Variants in CDC42BPA observed in about 807,000 individuals in gnomAD.
CDC42BPA encodes the protein serine/threonine-protein kinase MRCK alpha.
Under a neutral mutation model 223.5 loss-of-function variants are expected in CDC42BPA, and 80 were observed. The ratio of observed to expected loss-of-function variants is 0.36; its 90% CI spans 0.30 to 0.43. CDC42BPA has a LOEUF of 0.43. Among genes scored for constraint, CDC42BPA ranks in the 20% least tolerant of loss-of-function variants. The pLI is 1.00. For missense variants in CDC42BPA, 1,743 were observed against 2,099.9 expected, an observed-to-expected ratio of 0.83 and a Z score of 3.32; for synonymous variants, 694 against 718.6, an observed-to-expected ratio of 0.97 and a Z score of 0.55.
At position 227,199,640 on chromosome 1, in the gene CDC42BPA, G is replaced by A; in HGVS notation, c.367C>T (p.Arg123Cys). Residue 123 changes from arginine (R) to cysteine (C), a missense_variant, in exon 4 of 37, where the codon CGT (arginine) becomes TGT (cysteine). This residue lies in a region of CDC42BPA where 321 missense variants were observed against 488.7 expected (regional missense o/e 0.66). Coordinates refer to ENST00000366766, the MANE Select transcript of CDC42BPA (RefSeq NM_001394014.1). The part of the protein sequence containing the change: ...MLKRAETACF[R>C]EERDVLVNGD... ...TTCACTAATACATCCCTTTCTTCACGAAAACATGCTGTCTGAAACACAAAA... is the reference window on the plus strand; with the variant it reads ...TTCACTAATACATCCCTTTCTTCACAAAAACATGCTGTCTGAAACACAAAA... 1 of 1,599,600 alleles carries A rather than the reference G, an allele frequency of 6.3e-7. No homozygotes were observed. Among genetic ancestry groups the A allele is most frequent in the Non-Finnish European group, 8.6e-7 (1 of 1,169,176 alleles).
chr1:227,251,917 T>C (rs1157134691), intron 2 of CDC42BPA, among the ~76,000 whole-genome samples: 1 of 152,106 alleles, frequency 6.6e-6, no homozygotes, highest in Non-Finnish European at 1.5e-5. Context: ...TCTAAATGTT[T>C]AGAAATTTTT....
intron 15 of CDC42BPA, among the ~76,000 whole-genome samples, chr1:227,092,429 A>G (rs1683248943): frequency 6.6e-6 from 1 of 152,234 alleles, no homozygotes; most frequent in Non-Finnish European, 1.5e-5. Context: ...CAGAGAACGT[A>G]CATCAAGGTT....
At chr1:227,265,936 A>G (rs905881855) in intron 1 of CDC42BPA, among the ~76,000 whole-genome samples, 4 of 152,218 alleles carry the variant, frequency 2.6e-5, no homozygotes, top group African/African-American at 9.6e-5. Context: ...AAACAGAGAA[A>G]GAAAAAAACT....
At chr1:227,268,122 G>C (rs1329457173) in intron 1 of CDC42BPA, among the ~76,000 whole-genome samples, 2 of 152,168 alleles carry the variant, frequency 1.3e-5, no homozygotes, top group African/African-American at 4.8e-5. Flanking sequence ...TGTGGTATCT[G>C]ATTGAAGTTA....
intron 34 of CDC42BPA, among the ~76,000 whole-genome samples, chr1:227,014,604 C>T (rs1014439611): frequency 1.1e-4 from 16 of 151,802 alleles, no homozygotes; most frequent in South Asian, 2.1e-4. Flanking sequence ...GACTGCACAC[C>T]GAATTATATT....
At chr1:227,203,426 T>C (rs555447596) in intron 3 of CDC42BPA, among the ~76,000 whole-genome samples, 2 of 152,228 alleles carry the variant, frequency 1.3e-5, no homozygotes, top group Non-Finnish European at 2.9e-5. Flanking sequence ...GAAGTCCCTG[T>C]TGAGAAGCCC....
chr1:227,294,859 C>CAAAAAA lies in CDC42BPA; in HGVS notation c.178+22140_178+22145dup, dbSNP rs397983087. Among the ~76,000 whole-genome samples the CAAAAAA allele has an allele frequency of 4.2e-3, 54 of 12,814 alleles. 14 individuals are homozygous for CAAAAAA. The highest frequency in any genetic ancestry group is 5.2e-3 in the Non-Finnish European group (44 of 8,408). 8.4% of individuals were successfully genotyped at this position (12,814 alleles called of 152,430 possible). A position where few individuals can be genotyped will look rare whatever the true frequency, so the allele number is the denominator to read the frequency against. On this transcript the variant is annotated intron_variant, in intron 1 of 36. Coordinates refer to ENST00000366766, the MANE Select transcript of CDC42BPA (RefSeq NM_001394014.1). The stretch of plus-strand genomic sequence containing the variant: ...TGGGCGACAGAGCGAGACTCCGTCT[C>CAAAAAA]AAAAAAAAAAAAAAAAAAAAAAAAA...
intron 7 of CDC42BPA, among the ~76,000 whole-genome samples, chr1:227,145,953 C>A (rs547597154): frequency 6.6e-6 from 1 of 151,960 alleles, no homozygotes; most frequent in Non-Finnish European, 1.5e-5. Flanking sequence ...ATCATGCATG[C>A]GCTATAGAAA....
intron 5 of CDC42BPA, among the ~76,000 whole-genome samples, chr1:227,190,931 G>A (rs374414815): frequency 3.9e-5 from 6 of 152,140 alleles, no homozygotes; most frequent in African/African-American, 1.2e-4. Flanking sequence ...TGTTATAACA[G>A]AGAAACTAGA....
At chr1:227,062,536 G>A (rs7538237) in intron 21 of CDC42BPA, among the ~76,000 whole-genome samples, 21,850 of 152,044 alleles carry the variant, frequency 0.14, 1,990 homozygotes, top group South Asian at 0.36. Context: ...TATGCTTAAG[G>A]GCAGGAAATA....
chr1:227,041,608 G>T (rs754151779), intron 23 of CDC42BPA, among the ~76,000 whole-genome samples: 2 of 152,034 alleles, frequency 1.3e-5, no homozygotes, highest in East Asian at 1.9e-4. Context: ...CACTACAAAA[G>T]AAATTAAAAA....
At chr1:227,085,077 C>G (rs1258765287) in intron 16 of CDC42BPA, among the ~76,000 whole-genome samples, 2 of 152,056 alleles carry the variant, frequency 1.3e-5, no homozygotes, top group Non-Finnish European at 2.9e-5. Context: ...AATATACTCT[C>G]CTGGGTCTCC....
At chr1:227,046,939 T>G (rs565947981) in intron 23 of CDC42BPA, among the ~76,000 whole-genome samples, 1 of 152,212 alleles carries the variant, frequency 6.6e-6, no homozygotes, top group Non-Finnish European at 1.5e-5. Context: ...AATCTGATGA[T>G]AATCTCATTT....
intron 25 of CDC42BPA, 103 bp downstream of exon 25, chr1:227,035,368 T>C: frequency 1.2e-6 from 1 of 841,560 alleles, no homozygotes; most frequent in Non-Finnish European, 1.8e-6. Context: ...TTTTATTCAT[T>C]TAATTTTCCA....
At chr1:227,090,204 T>A (rs899807922) in intron 16 of CDC42BPA, among the ~76,000 whole-genome samples, 1 of 152,224 alleles carries the variant, frequency 6.6e-6, no homozygotes, top group African/African-American at 2.4e-5. Context: ...CTTTCTCAAG[T>A]AGTTTTCAAC....
At chr1:227,263,909 G>A (rs1684536080) in intron 1 of CDC42BPA, among the ~76,000 whole-genome samples, 1 of 152,110 alleles carries the variant, frequency 6.6e-6, no homozygotes, top group Admixed American at 6.5e-5. Flanking sequence ...GAAGTATCCA[G>A]CAGTGGCCTA....
intron 2 of CDC42BPA, among the ~76,000 whole-genome samples, chr1:227,218,269 T>G (rs1308290415): frequency 1.3e-5 from 2 of 152,220 alleles, no homozygotes; most frequent in African/African-American, 4.8e-5. Context: ...CTCACTCTGC[T>G]CTCTTAACAG....
At chr1:227,301,149 C>T (rs1218274865) in intron 1 of CDC42BPA, among the ~76,000 whole-genome samples, 1 of 152,124 alleles carries the variant, frequency 6.6e-6, no homozygotes, top group African/African-American at 2.4e-5. Flanking sequence ...ACTCCTAAGA[C>T]AAAGACTATA....
At chr1:227,016,889 C>G (rs1182433982) in intron 33 of CDC42BPA, 38 bp downstream of exon 33, 2 of 1,578,574 alleles carry the variant, frequency 1.3e-6, no homozygotes, top group Non-Finnish European at 1.7e-6. Flanking sequence ...CTTGATGGTA[C>G]AAGCAAGCAT....
Sources: allele counts gnomAD v4.1 joint callset (sites outside exome capture counted in the v4.1 genomes callset), GRCh38; gene constraint gnomAD v4.1.1; regional missense constraint gnomAD v4.1.1; transcripts MANE v1.5; gene names NCBI Gene and HGNC (gene_info 2026-07-23, HGNC 2026-07-21).